The following NLGN1 variants were observed in gnomAD, a reference collection of about 807,000 sequenced individuals.
NLGN1 encodes neuroligin 1.
In NLGN1, 12 loss-of-function variants were observed where a neutral mutation model predicts 65.5. That is an observed-to-expected ratio of 0.18 (90% CI 0.12 to 0.30). NLGN1 has a LOEUF of 0.30. Ranked by LOEUF, NLGN1 falls within the 10% of genes least tolerant of loss-of-function variation. The probability of loss-of-function intolerance (pLI) is 1.00; values close to 1 mark genes in which losing one functional copy is unlikely to be tolerated. For synonymous variants in NLGN1, 350 were observed against 359.5 expected (o/e 0.97, Z 0.30); for missense variants, 750 against 1,007.1 (o/e 0.74, Z 3.46).
chr3:173,953,257 G>T (rs1323842945), intron 4 of NLGN1, among the ~76,000 whole-genome samples: 2 of 152,018 alleles, frequency 1.3e-5, no homozygotes, highest in Non-Finnish European at 2.9e-5. Flanking sequence ...TATTATATTA[G>T]GTTCTCTTAT....
At chr3:174,202,077 A>C (rs1263768837) in intron 4 of NLGN1, among the ~76,000 whole-genome samples, 2 of 151,538 alleles carry the variant, frequency 1.3e-5, no homozygotes, top group Non-Finnish European at 2.9e-5. Context: ...TTATATCTCA[A>C]CATGTCCCCG....
chr3:173,674,068 G>C (rs781162335), intron 3 of NLGN1, among the ~76,000 whole-genome samples: 2 of 152,042 alleles, frequency 1.3e-5, no homozygotes, highest in Non-Finnish European at 2.9e-5. Flanking sequence ...TGAATCGGCC[G>C]TATGTTCCCT....
At chr3:173,967,269 G>GCAAA (rs1237157238) in intron 4 of NLGN1, among the ~76,000 whole-genome samples, 1 of 152,182 alleles carries the variant, frequency 6.6e-6, no homozygotes, top group Non-Finnish European at 1.5e-5. Context: ...AGTGATAGCA[G>GCAAA]CAAACAGACC....
intron 4 of NLGN1, among the ~76,000 whole-genome samples, chr3:174,041,215 T>A (rs568416902): frequency 1.1e-4 from 16 of 152,276 alleles, no homozygotes; most frequent in Admixed American, 3.9e-4. Context: ...TGTTTAGAAG[T>A]TCTTATAAAT....
chr3:173,479,254 G>A (rs557485100), intron 2 of NLGN1, among the ~76,000 whole-genome samples: 1 of 152,068 alleles, frequency 6.6e-6, no homozygotes, highest in East Asian at 2.0e-4. Context: ...GTGGCTATAT[G>A]TGTGGCATTG....
chr3:173,482,008 A>G (rs932417564), intron 2 of NLGN1, among the ~76,000 whole-genome samples: 4 of 151,758 alleles, frequency 2.6e-5, no homozygotes, highest in African/African-American at 7.3e-5. Flanking sequence ...TTTATCATTT[A>G]TCTTTCTTGT....
chr3:174,259,999 A>G (rs1382871549), intron 4 of NLGN1, among the ~76,000 whole-genome samples: 1 of 151,898 alleles, frequency 6.6e-6, no homozygotes, highest in Non-Finnish European at 1.5e-5. Context: ...CCATGTCCCT[A>G]CAAAGGACAA....
Position 174,207,991 on chromosome 3 carries a change from A to T in NLGN1, c.647-67324A>T, listed in dbSNP as rs79377852. Among the ~76,000 whole-genome samples, 377 of 152,336 alleles carry T rather than the reference A, an allele frequency of 2.5e-3. 2 individuals are homozygous for T. Among genetic ancestry groups the T allele is most frequent in the African/African-American group, 8.5e-3 (354 of 41,578 alleles). ...CTTTGAATACTGCCTGTATTTTTCA[A>T]ACCCCTTGACACATTATAAAGCAAA... On this transcript the variant is annotated intron_variant, in intron 4 of 6. Coordinates refer to ENST00000457714, the Ensembl canonical transcript of NLGN1.
Position 173,881,377 on chromosome 3 carries a change from C to T in NLGN1, c.646+73545C>T, listed in dbSNP as rs1027569155. On this transcript the variant is annotated intron_variant, in intron 4 of 6. Transcript: ENST00000457714. ...CTCCCAAATTGCTGGGATTACAGGCCTGAGCCACTGCGCCCAGCCAGGCTC... is the reference window on the plus strand; with the variant it reads ...CTCCCAAATTGCTGGGATTACAGGCTTGAGCCACTGCGCCCAGCCAGGCTC... Among the ~76,000 whole-genome samples the T allele has an allele frequency of 2.8e-5, 4 of 144,408 alleles. No individual in the cohort carries two copies. In the Middle Eastern group the frequency reaches 0.014, roughly 521 times the overall value. The allele number at this position is 144,408 out of a possible 152,430, so 94.7% of individuals were successfully genotyped here.
chr3:173,690,114 C>A (rs572780121), intron 3 of NLGN1, among the ~76,000 whole-genome samples: 35 of 152,192 alleles, frequency 2.3e-4, no homozygotes, highest in Admixed American at 5.9e-4. Context: ...TAGCAGGACT[C>A]CAGAATCCTT....
chr3:174,189,454 C>A (rs1731985904), intron 4 of NLGN1, among the ~76,000 whole-genome samples: 1 of 151,948 alleles, frequency 6.6e-6, no homozygotes, highest in Non-Finnish European at 1.5e-5. Context: ...GAGAATGTTT[C>A]CCCAACCTTC....
chr3:173,657,322 G>T (rs1760206411), intron 3 of NLGN1, among the ~76,000 whole-genome samples: 1 of 151,934 alleles, frequency 6.6e-6, no homozygotes, highest in Admixed American at 6.6e-5. Flanking sequence ...GGCATTTGGG[G>T]TTCTATAGTG....
intron 4 of NLGN1, among the ~76,000 whole-genome samples, chr3:173,925,616 C>G (rs1340408506): frequency 6.6e-6 from 1 of 152,096 alleles, no homozygotes; most frequent in African/African-American, 2.4e-5. Flanking sequence ...GGAACCAGGA[C>G]AGAAAGGAAG....
chr3:173,615,761 T>A (rs1222354707), intron 3 of NLGN1, among the ~76,000 whole-genome samples: 5 of 128,670 alleles, frequency 3.9e-5, no homozygotes, highest in African/African-American at 8.5e-5. Flanking sequence ...TTTTTTTTTT[T>A]AAAGCCTAAA....
Position 173,563,912 on chromosome 3 carries a change from A to G in NLGN1, c.-320-40367A>G, listed in dbSNP as rs529742959. Among the ~76,000 whole-genome samples the G allele has an allele frequency of 1.0e-3, 156 of 152,320 alleles. 4 individuals carry two copies. The South Asian group carries it at 0.03, about 30-fold the overall frequency. On this transcript the variant is annotated intron_variant, in intron 2 of 6. Coordinates refer to ENST00000457714, the Ensembl canonical transcript of NLGN1. The stretch of plus-strand genomic sequence containing the variant: ...CCAAATTGAATTTTTACAAAATAAA[A>G]TGTATTCCTCTACTCCTTCCACTCT...
intron 1 of NLGN1, among the ~76,000 whole-genome samples, chr3:173,421,321 C>T (rs1715000379): frequency 6.6e-6 from 1 of 151,916 alleles, no homozygotes; most frequent in Admixed American, 6.5e-5. Context: ...AGTTGCCCAT[C>T]TTTCCTTCAA....
intron 2 of NLGN1, among the ~76,000 whole-genome samples, chr3:173,536,648 A>G (rs1019231395): frequency 7.9e-5 from 12 of 152,238 alleles, no homozygotes; most frequent in Non-Finnish European, 2.9e-5. Context: ...TAATTACTTA[A>G]TGATTTACTC....
chr3:173,566,443 T>A (rs17178046), intron 2 of NLGN1, among the ~76,000 whole-genome samples: 13,041 of 152,266 alleles, frequency 0.086, 740 homozygotes, highest in Middle Eastern at 0.14. Flanking sequence ...GGGAATTAAA[T>A]AATGCTTGCA....
At chr3:173,787,034 G>A (rs901288976) in intron 3 of NLGN1, among the ~76,000 whole-genome samples, 1 of 150,992 alleles carries the variant, frequency 6.6e-6, no homozygotes, top group African/African-American at 2.4e-5. Context: ...CCGACATCAC[G>A]CCATTGCCCT....
Sources: gnomAD v4.1 joint callset for allele counts (sites outside exome capture counted in the v4.1 genomes callset) on GRCh38, gnomAD v4.1.1 for gene constraint, MANE v1.5 for transcripts, NCBI Gene and HGNC (gene_info 2026-07-23, HGNC 2026-07-21) for gene names.